Variants in MPRIP observed in about 807,000 individuals in gnomAD.
MPRIP encodes the protein myosin phosphatase Rho interacting protein, also known as myosin phosphatase Rho-interacting protein.
Under a neutral mutation model 234.9 loss-of-function variants are expected in MPRIP, and 59 were observed. That is an observed-to-expected ratio of 0.25 (90% CI 0.20 to 0.31). The LOEUF (loss-of-function observed/expected upper bound fraction) is 0.31. Among genes scored for constraint, MPRIP ranks in the 10% least tolerant of loss-of-function variants. The pLI is 1.00. For missense variants in MPRIP, 2,436 were observed against 3,071.0 expected (o/e 0.79, Z 4.89); for synonymous variants, 1,144 against 1,263.9 (o/e 0.91, Z 2.01).
rs1159533882 is a variant in MPRIP at position 17,187,982 on chromosome 17, T to C, written c.*3088T>C. 1 of 152,248 alleles carries C rather than the reference T, an allele frequency of 6.6e-6. No individual in the cohort carries two copies. Among genetic ancestry groups the C allele is most frequent in the African/African-American group, 2.4e-5 (1 of 41,464 alleles). 9.4% of individuals were successfully genotyped at this position (152,248 alleles called of 1,614,324 possible). ...ACCAGCCAGTAAGCTGTGCCACACA[T>C]ATGAATGGGAAAGCGAGGCAGTTGT... is the stretch of plus-strand genomic sequence containing the variant. On this transcript the variant is annotated 3_prime_UTR_variant, in exon 24 of 24. Coordinates refer to ENST00000651222, the MANE Select transcript of MPRIP (RefSeq NM_001364716.4).
chr17:17,147,264 A>C, intron 10 of MPRIP, 55 bp from the exon 11 acceptor site: 1 of 1,533,034 alleles, frequency 6.5e-7, no homozygotes, highest in African/African-American at 1.4e-5. Context: ...GTGGCGTGGC[A>C]GGCATGCTGT....
At chr17:17,061,334 C>T (rs1420346749) in intron 1 of MPRIP, among the ~76,000 whole-genome samples, 1 of 152,218 alleles carries the variant, frequency 6.6e-6, no homozygotes, top group Admixed American at 6.5e-5. Context: ...ACGGCTGCTA[C>T]CCAGGTATCC....
chr17:17,164,189 C>T lies in MPRIP; in HGVS notation c.2598C>T (p.Ala866=). The T allele has an allele frequency of 2.3e-6, 3 of 1,304,328 alleles. No homozygotes were observed. In the African/African-American group the frequency reaches 4.5e-5, roughly 20 times the overall value. 80.8% of individuals were successfully genotyped at this position (1,304,328 alleles called of 1,614,324 possible). A position where few individuals can be genotyped will look rare whatever the true frequency, so the allele number is the denominator to read the frequency against. The change falls in exon 16 of 24, where the codon GCC becomes GCT. Residue 866 remains alanine, a synonymous_variant. Coordinates refer to ENST00000651222, the MANE Select transcript of MPRIP (RefSeq NM_001364716.4). ...VNQDLQSELE[A]QCQRQELITH... is the part of the protein sequence containing the mutation. The stretch of plus-strand genomic sequence containing the variant: ...AAGACCTTCAAAGTGAGCTTGAAGC[C>T]CAGTGCCAGCGCCAGGAGCTGATTA...
rs776277946 is a variant in MPRIP, at chr17:17,150,189, G to A, written c.1675G>A (p.Val559Ile). ...AATTGACTTGTCCGCATGTTACGATGTCACAGAGTATCCAGTTCAGAGAAA... is the reference window on the plus strand; with the variant it reads ...AATTGACTTGTCCGCATGTTACGATATCACAGAGTATCCAGTTCAGAGAAA... Reference protein sequence around the residue: ...GEIDLSACYDVTEYPVQRNYG... With the variant: ...GEIDLSACYDITEYPVQRNYG... Residue 559 changes from valine to isoleucine, a missense_variant, in exon 12 of 24, where the codon GTC becomes ATC. Coordinates refer to ENST00000651222, the MANE Select transcript of MPRIP (RefSeq NM_001364716.4). 5 of 1,613,738 alleles carry A rather than the reference G, an allele frequency of 3.1e-6. No individual in the cohort carries two copies. The South Asian group carries it at 5.5e-5, about 18-fold the overall frequency.
At chr17:17,052,753 T>A (rs1284576995) in intron 1 of MPRIP, among the ~76,000 whole-genome samples, 2 of 152,208 alleles carry the variant, frequency 1.3e-5, no homozygotes, top group Admixed American at 1.3e-4. Context: ...CAACATGGGC[T>A]ACTGGCCTAG....
chr17:17,152,380 A>G (rs1178813159), intron 12 of MPRIP, among the ~76,000 whole-genome samples: 1 of 152,236 alleles, frequency 6.6e-6, no homozygotes, highest in Non-Finnish European at 1.5e-5. Flanking sequence ...CCGCTCTCCT[A>G]GTGACAAATG....
rs1388691117 is a variant in MPRIP, at chr17:17,189,657, T to C, written c.*4763T>C. 6.6e-6 allele frequency: 1 copy of C among 152,250 alleles called. No individual in the cohort carries two copies. The highest frequency in any genetic ancestry group is 1.5e-5 in the Non-Finnish European group (1 of 68,036). 9.4% of individuals were successfully genotyped at this position (152,250 alleles called of 1,614,324 possible). On this transcript the variant is annotated 3_prime_UTR_variant, in exon 24 of 24. Transcript: ENST00000651222. The stretch of plus-strand genomic sequence containing the variant: ...TTGTCATGTTGATGAGAAGCTTCAC[T>C]TTCCTGGGAACTTCATTCGTTTTAG...
rs1260742962 is a variant in MPRIP, at chr17:17,131,703, T to C, written c.504+2T>C. 1.2e-6 allele frequency: 2 copies of C among 1,613,850 alleles called. No individual in the cohort carries two copies. Among genetic ancestry groups the C allele is most frequent in the African/African-American group, 1.3e-5 (1 of 74,908 alleles). ...AAAGTGGAGCCCCCCACACCACAGG[T>C]AGGCAGTGGGTTTGCCAGATGGCAT... is the stretch of plus-strand genomic sequence containing the variant. On this transcript the variant is annotated splice_donor_variant, in intron 5 of 23. Transcript: ENST00000651222. LOFTEE classifies it high-confidence loss of function.
chr17:17,174,297 C>T (rs921181912), intron 19 of MPRIP, among the ~76,000 whole-genome samples: 3 of 152,264 alleles, frequency 2.0e-5, no homozygotes, highest in African/African-American at 7.2e-5. Context: ...GCTAGAGCAA[C>T]GCTGTACTGC....
chr17:17,187,262 T>TA lies in MPRIP; in HGVS notation c.*2369dup. ...GACTTCAGGAATCCTGGAAAATTAA[T>TA]ATGAGTGCAGCATGTGAGGGGTCAG... On this transcript the variant is annotated 3_prime_UTR_variant, in exon 24 of 24. Transcript: ENST00000651222. 1 of 152,278 alleles carries TA rather than the reference T, an allele frequency of 6.6e-6. No individual in the cohort carries two copies. The highest frequency in any genetic ancestry group is 6.5e-5 in the Admixed American group (1 of 15,292). The allele number at this position is 152,278 out of a possible 1,614,324, so 9.4% of individuals were successfully genotyped here. A position where few individuals can be genotyped will look rare whatever the true frequency, so the allele number is the denominator to read the frequency against.
Position 17,164,110 on chromosome 17 carries a change from C to G in MPRIP, c.2519C>G (p.Thr840Ser). Residue 840 changes from threonine (T) to serine (S), a missense_variant and splice_region_variant, in exon 16 of 24, where the codon ACT (threonine) becomes AGT (serine). This residue lies in a region of MPRIP where 1,998 missense variants were observed against 2,520.3 expected (regional missense o/e 0.79). Coordinates refer to ENST00000651222, the MANE Select transcript of MPRIP (RefSeq NM_001364716.4). The stretch of plus-strand genomic sequence containing the variant: ...CAGTATTTAATCGGTTTTTTTAAGA[C>G]TGAAGTGGCCGCCTCCCCATCGGGT... ...QSAREGYVLQ[T>S]EVAASPSGAW... The G allele has an allele frequency of 1.5e-6, 2 of 1,304,036 alleles. No individual in the cohort carries two copies. Among genetic ancestry groups the G allele is most frequent in the Middle Eastern group, 2.1e-4 (1 of 4,696 alleles). The allele number at this position is 1,304,036 out of a possible 1,614,324, so 80.8% of individuals were successfully genotyped here. A position where few individuals can be genotyped will look rare whatever the true frequency, so the allele number is the denominator to read the frequency against.
At chr17:17,154,198 C>T in intron 12 of MPRIP, 108 bp from the exon 13 acceptor site, 1 of 898,042 alleles carries the variant, frequency 1.1e-6, no homozygotes, top group Non-Finnish European at 1.8e-6. Flanking sequence ...CCAGTCACAG[C>T]CTTTCTCCCT....
intron 1 of MPRIP, among the ~76,000 whole-genome samples, chr17:17,047,506 C>G (rs538831512): frequency 1.3e-5 from 2 of 152,136 alleles, no homozygotes; most frequent in Non-Finnish European, 2.9e-5. Context: ...TTTAATCTAT[C>G]AGACTTGTTT....
At position 17,185,762 on chromosome 17, in the gene MPRIP, A is replaced by G; in HGVS notation, c.*868A>G. 2.9e-6 allele frequency: 1 copy of G among 339,294 alleles called. No homozygotes were observed. Among genetic ancestry groups the G allele is most frequent in the South Asian group, 2.3e-5 (1 of 43,796 alleles). The allele number at this position is 339,294 out of a possible 1,614,324, so 21.0% of individuals were successfully genotyped here. On this transcript the variant is annotated 3_prime_UTR_variant, in exon 24 of 24. Coordinates refer to ENST00000651222, the MANE Select transcript of MPRIP (RefSeq NM_001364716.4). ...GTTTGGGGGTTTGGGTTTTTTTTTT[A>G]CCTTTTGGAAAAGAAACCGTCACAT...
chr17:17,163,984 G>T, intron 15 of MPRIP, 125 bp from the exon 16 acceptor site: 10 of 455,402 alleles, frequency 2.2e-5, no homozygotes, highest in Non-Finnish European at 3.4e-5. Context: ...AAAAAATAAA[G>T]TTGTACAAAG....
Position 17,190,933 on chromosome 17 carries a change from G to C in MPRIP, c.*6039G>C, listed in dbSNP as rs1472091109. 1 of 152,198 alleles carries C rather than the reference G, an allele frequency of 6.6e-6. No individual in the cohort carries two copies. The highest frequency in any genetic ancestry group is 1.5e-5 in the Non-Finnish European group (1 of 68,034). 9.4% of individuals were successfully genotyped at this position (152,198 alleles called of 1,614,324 possible). ...ATGTAAATATTACTGAGAAGTTACTGCAGGGATTTTTGTGACAGAGTTTGT... is the reference window on the plus strand; with the variant it reads ...ATGTAAATATTACTGAGAAGTTACTCCAGGGATTTTTGTGACAGAGTTTGT... On this transcript the variant is annotated 3_prime_UTR_variant, in exon 24 of 24. Transcript: ENST00000651222.
chr17:17,069,737 A>G (rs2089148962), intron 1 of MPRIP, among the ~76,000 whole-genome samples: 1 of 152,108 alleles, frequency 6.6e-6, no homozygotes, highest in African/African-American at 2.4e-5. Flanking sequence ...TGTTTACTTC[A>G]CATACGTTTA....
In MPRIP at chr17:17,158,549, A is replaced by C; in HGVS notation, c.1947A>C (p.Ala649=). 1 of 1,611,786 alleles carries C rather than the reference A, an allele frequency of 6.2e-7. No individual in the cohort carries two copies. The highest frequency in any genetic ancestry group is 8.5e-7 in the Non-Finnish European group (1 of 1,179,884). The change falls in exon 14 of 24, where the codon GCA becomes GCC. Residue 649 remains alanine, a synonymous_variant. Transcript: ENST00000651222. The stretch of plus-strand genomic sequence containing the variant: ...ACCCTGAGCAGAAGAGGAGCCGCGC[A>C]CGGGAGCGGAGGCGAGAGGGCCGCT... ...EPDPEQKRSR[A]RERRREGRSK...
intron 15 of MPRIP, 139 bp from the exon 16 acceptor site, chr17:17,163,970 G>GA (rs1220338345): frequency 8.8e-4 from 388 of 443,184 alleles, no homozygotes; most frequent in Middle Eastern, 1.9e-3. Flanking sequence ...TTTTTAATGG[G>GA]AAAAAAAAAT....
Sources: gnomAD v4.1 joint callset for allele counts (sites outside exome capture counted in the v4.1 genomes callset) on GRCh38, gnomAD v4.1.1 for gene constraint, gnomAD v4.1.1 regional missense constraint, MANE v1.5 for transcripts, NCBI Gene and HGNC (gene_info 2026-07-23, HGNC 2026-07-21) for gene names.